ROBO2: variants seen among roughly 807,000 people sequenced by gnomAD.
ROBO2 encodes roundabout homolog 2.
In ROBO2, 53 loss-of-function variants were observed where a neutral mutation model predicts 160.8. The ratio of observed to expected loss-of-function variants is 0.33; its 90% CI spans 0.26 to 0.41. The LOEUF is 0.41. Ranked by LOEUF, ROBO2 falls within the 10% of genes least tolerant of loss-of-function variation. The probability of loss-of-function intolerance (pLI) is 1.00; values close to 1 mark genes in which losing one functional copy is unlikely to be tolerated. For synonymous variants in ROBO2, 664 were observed against 611.7 expected, an observed-to-expected ratio of 1.09 and a Z score of -1.26; for missense variants, 1,577 against 1,722.4, an observed-to-expected ratio of 0.92 and a Z score of 1.49.
At chr3:77,137,237 T>A (rs1301748887) in intron 2 of ROBO2, among the ~76,000 whole-genome samples, 1 of 152,218 alleles carries the variant, frequency 6.6e-6, no homozygotes, top group East Asian at 1.9e-4. Flanking sequence ...GATGATTATT[T>A]TTTTTTGAGA....
At chr3:76,629,672 CA>C (rs1360275672) in intron 2 of ROBO2, among the ~76,000 whole-genome samples, 1 of 152,178 alleles carries the variant, frequency 6.6e-6, no homozygotes, top group Non-Finnish European at 1.5e-5. Flanking sequence ...AGCATCCTCA[CA>C]GACACGCCCA....
At chr3:77,207,218 G>T (rs1409619369) in intron 2 of ROBO2, among the ~76,000 whole-genome samples, 2 of 152,008 alleles carry the variant, frequency 1.3e-5, no homozygotes, top group Non-Finnish European at 2.9e-5. Context: ...TCTCTTATAA[G>T]AGATCTAAAA....
At chr3:76,727,470 A>C (rs2093570188) in intron 2 of ROBO2, among the ~76,000 whole-genome samples, 1 of 152,174 alleles carries the variant, frequency 6.6e-6, no homozygotes. Context: ...TTCATTCAAC[A>C]AATATTGAGC....
chr3:75,937,579 A>G (rs780424454), exon 2 of ROBO2: 1 of 1,561,190 alleles, frequency 6.4e-7, no homozygotes, highest in South Asian at 1.2e-5. Context: ...TTTTGGGGTC[A>G]TCAGGGGAAT....
chr3:76,267,071 T>C (rs188709264), intron 2 of ROBO2, among the ~76,000 whole-genome samples: 7 of 152,318 alleles, frequency 4.6e-5, no homozygotes, highest in African/African-American at 4.8e-5. Flanking sequence ...ACAATATTGA[T>C]TTGTATTTCA....
intron 2 of ROBO2, among the ~76,000 whole-genome samples, chr3:76,605,601 C>T (rs2087586535): frequency 6.6e-6 from 1 of 152,054 alleles, no homozygotes; most frequent in Non-Finnish European, 1.5e-5. Context: ...GTAGTCAGAT[C>T]AGAGTATTAT....
chr3:76,662,342 A>G (rs1244919239), intron 2 of ROBO2, among the ~76,000 whole-genome samples: 1 of 152,156 alleles, frequency 6.6e-6, no homozygotes, highest in Admixed American at 6.5e-5. Context: ...AATTTTTTTC[A>G]TTATTGTGGG....
chr3:76,441,107 A>G (rs2076906868), intron 2 of ROBO2, among the ~76,000 whole-genome samples: 1 of 151,918 alleles, frequency 6.6e-6, no homozygotes, highest in Admixed American at 6.6e-5. Context: ...TTCTATTCCA[A>G]AAAAAAAGTC....
At chr3:76,140,892 G>C (rs2071607423) in intron 2 of ROBO2, among the ~76,000 whole-genome samples, 2 of 148,332 alleles carry the variant, frequency 1.3e-5, no homozygotes, top group Non-Finnish European at 3.0e-5. Flanking sequence ...GACTATATGA[G>C]ATGCACTGAA....
chr3:76,760,177 T>C (rs1398168990), intron 2 of ROBO2, among the ~76,000 whole-genome samples: 1 of 151,850 alleles, frequency 6.6e-6, no homozygotes, highest in African/African-American at 2.4e-5. Flanking sequence ...GTAGGTAATA[T>C]GATTCTAACA....
Position 77,482,863 on chromosome 3 carries a change from GAAAA to G in ROBO2, c.667+1651_667+1654del, listed in dbSNP as rs967682729. On this transcript the variant is annotated intron_variant, in intron 4 of 25. Coordinates refer to ENST00000461745, the Ensembl canonical transcript of ROBO2. ...ACTACCACAAACTCTGGAATAGAAA[GAAAA>G]AAAAAAGCTATATTACTGCAGTATA... 2.8e-5 allele frequency among the ~76,000 whole-genome samples: 4 copies of G among 144,582 alleles called. No homozygotes were observed. In the East Asian group the frequency reaches 6.0e-4, roughly 22 times the overall value. The allele number at this position is 144,582 out of a possible 152,430, so 94.9% of individuals were successfully genotyped here. A position where few individuals can be genotyped will look rare whatever the true frequency, so the allele number is the denominator to read the frequency against.
chr3:76,406,202 A>G (rs2078116221), intron 2 of ROBO2, among the ~76,000 whole-genome samples: 1 of 151,850 alleles, frequency 6.6e-6, no homozygotes, highest in African/African-American at 2.4e-5. Context: ...TTAGCACCAT[A>G]TGAATTTTAC....
intron 2 of ROBO2, among the ~76,000 whole-genome samples, chr3:76,720,316 A>G (rs561190432): frequency 6.6e-6 from 1 of 152,292 alleles, no homozygotes; most frequent in Non-Finnish European, 1.5e-5. Context: ...TGTCCAAGCC[A>G]TCCAGTCTGT....
chr3:77,303,413 C>A (rs987372082), intron 2 of ROBO2, among the ~76,000 whole-genome samples: 1 of 152,102 alleles, frequency 6.6e-6, no homozygotes, highest in Non-Finnish European at 1.5e-5. Flanking sequence ...AGGTAGGTTT[C>A]TTTTGATATC....
chr3:77,257,316 A>T (rs2058482147), intron 2 of ROBO2, among the ~76,000 whole-genome samples: 1 of 152,332 alleles, frequency 6.6e-6, no homozygotes, highest in Admixed American at 6.5e-5. Context: ...AGGCTGAACA[A>T]ACATGGCCCA....
intron 2 of ROBO2, among the ~76,000 whole-genome samples, chr3:76,096,001 G>C: frequency 6.6e-6 from 1 of 151,962 alleles, no homozygotes; most frequent in Non-Finnish European, 1.5e-5. Context: ...AATTTTAAAA[G>C]GTATTAAAGA....
chr3:77,246,276 C>A (rs1407499552), intron 2 of ROBO2, among the ~76,000 whole-genome samples: 1 of 150,628 alleles, frequency 6.6e-6, no homozygotes, highest in African/African-American at 2.4e-5. Flanking sequence ...AAGACCTCTG[C>A]GACAGGAGTG....
chr3:76,533,466 C>A (rs1185485183), intron 2 of ROBO2, among the ~76,000 whole-genome samples: 1 of 152,112 alleles, frequency 6.6e-6, no homozygotes, highest in African/African-American at 2.4e-5. Flanking sequence ...GTGATAGATG[C>A]ACATCATATT....
chr3:76,744,390 C>T (rs569771800), intron 2 of ROBO2, among the ~76,000 whole-genome samples: 4 of 151,728 alleles, frequency 2.6e-5, no homozygotes, highest in Non-Finnish European at 5.9e-5. Flanking sequence ...GATAGGGTCT[C>T]CTTATGCCAC....
Sources: allele counts gnomAD v4.1 joint callset (sites outside exome capture counted in the v4.1 genomes callset), GRCh38; gene constraint gnomAD v4.1.1; transcripts MANE v1.5; gene names NCBI Gene and HGNC (gene_info 2026-07-23, HGNC 2026-07-21).